ECT2: variants seen among roughly 807,000 people sequenced by gnomAD.
ECT2 encodes the protein protein ECT2.
A neutral mutation model predicts 116.9 loss-of-function variants in ECT2; 61 were observed. The observed-to-expected ratio is 0.52, with a 90% CI of 0.42 to 0.65. The LOEUF is 0.65. ECT2 is among the 30% of genes least tolerant of loss of function. The pLI is 0.00. For missense variants in ECT2, 937 were observed against 1,078.7 expected, an observed-to-expected ratio of 0.87 and a Z score of 1.84; for synonymous variants, 358 against 346.4, an observed-to-expected ratio of 1.03 and a Z score of -0.37.
intron 14 of ECT2, among the ~76,000 whole-genome samples, chr3:172,779,319 G>T (rs757148227): frequency 2.5e-4 from 38 of 152,052 alleles, no homozygotes; most frequent in Non-Finnish European, 4.4e-4. Flanking sequence ...TTTCTGAACA[G>T]TTCAATCTTC....
chr3:172,817,508 C>T (rs986088172), intron 24 of ECT2, among the ~76,000 whole-genome samples: 3 of 151,822 alleles, frequency 2.0e-5, no homozygotes, highest in African/African-American at 7.3e-5. Flanking sequence ...TAGCAGAGAC[C>T]GAGTTTTATT....
intron 22 of ECT2, among the ~76,000 whole-genome samples, chr3:172,808,662 CTT>C (rs1035659256): frequency 2.8e-4 from 43 of 152,108 alleles, no homozygotes; most frequent in African/African-American, 1.0e-3. Flanking sequence ...ACCTCTTACT[CTT>C]TGCACAAATG....
At chr3:172,758,268 G>T (rs1233743910) in intron 5 of ECT2, among the ~76,000 whole-genome samples, 1 of 152,100 alleles carries the variant, frequency 6.6e-6, no homozygotes, top group African/African-American at 2.4e-5. Flanking sequence ...ACTTAAAATT[G>T]CTTAGGTCTT....
At chr3:172,795,892 T>G (rs1371743226) in intron 18 of ECT2, among the ~76,000 whole-genome samples, 1 of 152,172 alleles carries the variant, frequency 6.6e-6, no homozygotes, top group Non-Finnish European at 1.5e-5. Flanking sequence ...CTAAATATAC[T>G]TAGATCTGTT....
intron 18 of ECT2, among the ~76,000 whole-genome samples, chr3:172,800,384 C>T (rs1726499434): frequency 6.6e-6 from 1 of 152,138 alleles, no homozygotes; most frequent in Non-Finnish European, 1.5e-5. Flanking sequence ...CTTGCCAGTT[C>T]CCCAAAACTT....
At chr3:172,825,103 T>TG (rs1271732040), downstream of ECT2, among the ~76,000 whole-genome samples, 2 of 152,200 alleles carry the variant, frequency 1.3e-5, no homozygotes, top group African/African-American at 4.8e-5. Flanking sequence ...TTGTAATTCT[T>TG]GCAATATTTT....
chr3:172,829,229 C>G, the ECT2 span: 1 of 302,670 alleles, frequency 3.3e-6, no homozygotes, highest in African/African-American at 2.2e-5. Flanking sequence ...AAATTGGTAT[C>G]TTTATTTTAA....
chr3:172,798,113 T>C (rs1726062565), intron 18 of ECT2, among the ~76,000 whole-genome samples: 1 of 152,182 alleles, frequency 6.6e-6, no homozygotes, highest in Admixed American at 6.5e-5. Flanking sequence ...ATTAAATTAT[T>C]AGGCTTATTT....
At chr3:172,768,883 G>A (rs991804263) in intron 12 of ECT2, 124 bp from the exon 13 acceptor site, 2 of 1,143,942 alleles carry the variant, frequency 1.7e-6, no homozygotes, top group Admixed American at 3.1e-5. Flanking sequence ...TTTTTTATTG[G>A]AAATCTGTAT....
intron 8 of ECT2, 97 bp from the exon 9 acceptor site, chr3:172,762,319 G>T: frequency 1.6e-6 from 2 of 1,281,044 alleles, no homozygotes. Flanking sequence ...GATAGATTAT[G>T]CCAAGACCTT....
chr3:172,812,941 T>G (rs1729030624), intron 22 of ECT2, among the ~76,000 whole-genome samples: 1 of 152,172 alleles, frequency 6.6e-6, no homozygotes, highest in Non-Finnish European at 1.5e-5. Context: ...ATGTGATCCC[T>G]CTACTATGAG....
chr3:172,818,819 G>T, intron 24 of ECT2: 2 of 1,155,296 alleles, frequency 1.7e-6, no homozygotes, highest in Admixed American at 4.1e-5. Context: ...TTTAATGTGA[G>T]CTTATTAGCT....
chr3:172,764,810 G>A (rs1438312410), intron 12 of ECT2, among the ~76,000 whole-genome samples: 1 of 152,192 alleles, frequency 6.6e-6, no homozygotes, highest in Non-Finnish European at 1.5e-5. Context: ...ACTAGAGAGT[G>A]ATAGTGCTGT....
At chr3:172,818,074 G>A (rs894759505) in intron 24 of ECT2, among the ~76,000 whole-genome samples, 1 of 152,048 alleles carries the variant, frequency 6.6e-6, no homozygotes, top group Non-Finnish European at 1.5e-5. Context: ...AGTTTTATAA[G>A]TGATTTCTTT....
chr3:172,767,553 T>G (rs1014568380), intron 12 of ECT2, among the ~76,000 whole-genome samples: 1 of 152,226 alleles, frequency 6.6e-6, no homozygotes, highest in Non-Finnish European at 1.5e-5. Flanking sequence ...TATGGTTCTT[T>G]GTCACCTATT....
chr3:172,780,077 C>G (rs1312909422), intron 14 of ECT2, among the ~76,000 whole-genome samples: 1 of 152,000 alleles, frequency 6.6e-6, no homozygotes, highest in African/African-American at 2.4e-5. Context: ...AATGTACTTT[C>G]TGTATCTATG....
chr3:172,798,582 C>G (rs1726160939), intron 18 of ECT2, among the ~76,000 whole-genome samples: 1 of 152,024 alleles, frequency 6.6e-6, no homozygotes, highest in Non-Finnish European at 1.5e-5. Context: ...GTTTTAATGA[C>G]TTTTATTTAA....
chr3:172,815,791 C>G, intron 23 of ECT2, 80 bp downstream of exon 23: 1 of 896,992 alleles, frequency 1.1e-6, no homozygotes, highest in South Asian at 1.5e-5. Context: ...GCTGCAAACA[C>G]CAGTATAAAG....
At chr3:172,798,237 A>G (rs1401132633) in intron 18 of ECT2, among the ~76,000 whole-genome samples, 1 of 152,124 alleles carries the variant, frequency 6.6e-6, no homozygotes, top group Non-Finnish European at 1.5e-5. Flanking sequence ...GAAATCTGTT[A>G]TTATAATTTT....
Sources: allele counts gnomAD v4.1 joint callset (sites outside exome capture counted in the v4.1 genomes callset), GRCh38; gene constraint gnomAD v4.1.1; transcripts MANE v1.5; gene names NCBI Gene and HGNC (gene_info 2026-07-23, HGNC 2026-07-21).